Variants in CSNK1G3 observed in about 807,000 individuals in gnomAD.
The protein encoded by CSNK1G3 is casein kinase I isoform gamma-3.
A neutral mutation model predicts 64.3 loss-of-function variants in CSNK1G3; 23 were observed. The observed-to-expected ratio is 0.36, with a 90% CI of 0.26 to 0.51. The LOEUF is 0.51. Among genes scored for constraint, CSNK1G3 ranks in the 20% least tolerant of loss-of-function variants. CSNK1G3 has a pLI of 0.96. For missense variants in CSNK1G3, 357 were observed against 510.5 expected (o/e 0.70, Z 2.90); for synonymous variants, 158 against 162.2 (o/e 0.97, Z 0.20).
chr5:123,570,653 G>C (rs1312954460), intron 4 of CSNK1G3, among the ~76,000 whole-genome samples: 2 of 152,072 alleles, frequency 1.3e-5, no homozygotes, highest in African/African-American at 2.4e-5. Flanking sequence ...ACCGCGCCCA[G>C]CCGACAGTCC....
At chr5:123,567,924 G>A (rs1038588426) in intron 4 of CSNK1G3, among the ~76,000 whole-genome samples, 38 of 152,124 alleles carry the variant, frequency 2.5e-4, no homozygotes, top group Admixed American at 2.4e-3. Flanking sequence ...TTAGTGCTTC[G>A]GGATTTGATG....
intron 6 of CSNK1G3, among the ~76,000 whole-genome samples, chr5:123,586,370 A>G (rs1457374558): frequency 1.3e-5 from 2 of 152,158 alleles, no homozygotes; most frequent in African/African-American, 4.8e-5. Flanking sequence ...TTACCAAACT[A>G]TACCCTCAGG....
At chr5:123,609,831 A>C (rs1474758369) in intron 12 of CSNK1G3, among the ~76,000 whole-genome samples, 1 of 152,188 alleles carries the variant, frequency 6.6e-6, no homozygotes, top group Non-Finnish European at 1.5e-5. Context: ...GTTGGGAACA[A>C]AATTCTTGAA....
chr5:123,573,899 G>C (rs895632640), intron 5 of CSNK1G3, among the ~76,000 whole-genome samples: 1 of 151,218 alleles, frequency 6.6e-6, no homozygotes, highest in African/African-American at 2.4e-5. Flanking sequence ...GTCCAGGGCG[G>C]AGAGCGGTGG....
At chr5:123,522,993 T>A (rs1182575682) in intron 1 of CSNK1G3, among the ~76,000 whole-genome samples, 3 of 150,840 alleles carry the variant, frequency 2.0e-5, no homozygotes, top group Non-Finnish European at 4.5e-5. Flanking sequence ...ATCTCTAAAG[T>A]TATTATAAAT....
At chr5:123,515,929 A>G (rs1211839685) in intron 1 of CSNK1G3, among the ~76,000 whole-genome samples, 1 of 152,214 alleles carries the variant, frequency 6.6e-6, no homozygotes, top group Non-Finnish European at 1.5e-5. Context: ...AGCAGGAAAC[A>G]GTCTTCTAGA....
At chr5:123,549,095 TG>T (rs1783148093) in intron 2 of CSNK1G3, among the ~76,000 whole-genome samples, 1 of 152,210 alleles carries the variant, frequency 6.6e-6, no homozygotes, top group Non-Finnish European at 1.5e-5. Flanking sequence ...TATATAAAGT[TG>T]AAATATCTCA....
intron 10 of CSNK1G3, among the ~76,000 whole-genome samples, chr5:123,600,861 C>T (rs926050852): frequency 1.3e-5 from 2 of 150,678 alleles, no homozygotes; most frequent in Non-Finnish European, 2.9e-5. Flanking sequence ...GTTTTTCCAA[C>T]ATCCCTCTTA....
chr5:123,563,179 TTC>T (rs1163734197), intron 4 of CSNK1G3, among the ~76,000 whole-genome samples: 1 of 152,062 alleles, frequency 6.6e-6, no homozygotes, highest in Non-Finnish European at 1.5e-5. Context: ...AATGATCTTT[TTC>T]TCTGTCATAA....
At chr5:123,514,073 T>C (rs1174833881) in intron 1 of CSNK1G3, among the ~76,000 whole-genome samples, 1 of 152,214 alleles carries the variant, frequency 6.6e-6, no homozygotes, top group Non-Finnish European at 1.5e-5. Context: ...TTGTGTGGCT[T>C]TGACATACAT....
intron 1 of CSNK1G3, among the ~76,000 whole-genome samples, chr5:123,531,588 CAAAT>C (rs1436609877): frequency 4.0e-5 from 6 of 151,862 alleles, no homozygotes; most frequent in Non-Finnish European, 7.4e-5. Context: ...TTTGTGAAAG[CAAAT>C]AAATTATTTA....
intron 6 of CSNK1G3, among the ~76,000 whole-genome samples, chr5:123,581,691 G>A (rs1216646276): frequency 6.8e-6 from 1 of 146,664 alleles, no homozygotes; most frequent in Non-Finnish European, 1.5e-5. Context: ...TCCTTTTTAG[G>A]TTTGTTTTCT....
chr5:123,530,899 G>T (rs1779817400), intron 1 of CSNK1G3, among the ~76,000 whole-genome samples: 1 of 152,148 alleles, frequency 6.6e-6, no homozygotes, highest in Admixed American at 6.5e-5. Flanking sequence ...GACAACCACA[G>T]TTGAGCTAAT....
At position 123,586,485 on chromosome 5, in the gene CSNK1G3, G is replaced by A. The variant is rs537062509; in HGVS notation, c.674-1583G>A. 3.3e-5 allele frequency among the ~76,000 whole-genome samples: 5 copies of A among 152,068 alleles called. No homozygotes were observed. The South Asian group carries it at 1.0e-3, about 32-fold the overall frequency. On this transcript the variant is annotated intron_variant, in intron 6 of 12. Transcript: ENST00000345990. ...TTAGTGGATGTAGATGGACTTTAAG[G>A]CCACTACTTATTTTGGAAAATTTGC...
In CSNK1G3 at chr5:123,517,050, T is replaced by C. The variant is rs1232836943; in HGVS notation, c.-248+4480T>C. ...GTGATGCCTGCCACATAGTAGGCAC[T>C]GTGTAAATCTTCTGTCCTTCATTTC... On this transcript the variant is annotated intron_variant, in intron 1 of 12. Transcript: ENST00000345990. Among the ~76,000 whole-genome samples, 6 of 152,200 alleles carry C rather than the reference T, an allele frequency of 3.9e-5. No individual in the cohort carries two copies. The South Asian group carries it at 6.2e-4, about 16-fold the overall frequency.
chr5:123,545,971 A>T (rs1041768514), intron 2 of CSNK1G3, 130 bp downstream of exon 2: 8 of 828,852 alleles, frequency 9.7e-6, no homozygotes, highest in African/African-American at 3.5e-5. Flanking sequence ...AAGAATAAAG[A>T]TGTTGGAAAT....
chr5:123,552,716 A>T (rs768514298), intron 2 of CSNK1G3, among the ~76,000 whole-genome samples: 172 of 152,332 alleles, frequency 1.1e-3, no homozygotes, highest in Non-Finnish European at 2.1e-3. Flanking sequence ...TGATGAATTT[A>T]AAATGAAATG....
intron 6 of CSNK1G3, among the ~76,000 whole-genome samples, chr5:123,576,661 T>A (rs940587368): frequency 1.3e-5 from 2 of 152,144 alleles, no homozygotes; most frequent in Non-Finnish European, 2.9e-5. Context: ...TATCTCCAAT[T>A]TGGGTCTGTT....
At chr5:123,518,644 A>G (rs897058027) in intron 1 of CSNK1G3, among the ~76,000 whole-genome samples, 9 of 152,228 alleles carry the variant, frequency 5.9e-5, no homozygotes, top group African/African-American at 1.4e-4. Context: ...ATTAGGTCAC[A>G]TGAACGTCCT....
Sources: allele counts gnomAD v4.1 joint callset (sites outside exome capture counted in the v4.1 genomes callset), GRCh38; gene constraint gnomAD v4.1.1; transcripts MANE v1.5; gene names NCBI Gene and HGNC (gene_info 2026-07-23, HGNC 2026-07-21).